SNTG2: variants seen among roughly 807,000 people sequenced by gnomAD.
SNTG2 encodes the protein gamma-2-syntrophin.
Under a neutral mutation model 70.9 loss-of-function variants are expected in SNTG2, and 74 were observed. That is an observed-to-expected ratio of 1.04 (90% CI 0.86 to 1.27). The LOEUF is 1.27. Among genes scored for constraint, SNTG2 ranks in the 50% most tolerant of loss-of-function variants. The probability of loss-of-function intolerance (pLI) is 0.00; values close to 1 mark genes in which losing one functional copy is unlikely to be tolerated. For missense variants in SNTG2, 717 were observed against 690.7 expected, an observed-to-expected ratio of 1.04 and a Z score of -0.43; for synonymous variants, 278 against 273.8, an observed-to-expected ratio of 1.02 and a Z score of -0.15.
At chr2:987,491 G>T (rs1481416827) in intron 1 of SNTG2, among the ~76,000 whole-genome samples, 2 of 152,018 alleles carry the variant, frequency 1.3e-5, no homozygotes, top group Non-Finnish European at 2.9e-5. Context: ...AGCGTCAGAG[G>T]AGAGGTGAGG....
At chr2:1,095,090 GAAAAA>G (rs900358465) in intron 2 of SNTG2, among the ~76,000 whole-genome samples, 3 of 151,494 alleles carry the variant, frequency 2.0e-5, no homozygotes, top group African/African-American at 7.3e-5. Context: ...AGAAAAAAGA[GAAAAA>G]AAAAGAGAGA....
At chr2:1,161,849 C>T (rs373380616) in intron 6 of SNTG2, among the ~76,000 whole-genome samples, 211 of 152,046 alleles carry the variant, frequency 1.4e-3, no homozygotes, top group Non-Finnish European at 1.8e-3. Context: ...CCGAGGCGGG[C>T]GGATCACGAG....
intron 1 of SNTG2, among the ~76,000 whole-genome samples, chr2:982,463 CACCGGAGACTCTGCAGGTTGCTTT>C (rs1661137960): frequency 6.6e-6 from 1 of 152,156 alleles, no homozygotes; most frequent in Non-Finnish European, 1.5e-5. Context: ...GGGGTGAAAA[CACCGGAGACTCTGCAGGTTGCTTT>C]TCTAGGTTTT....
rs1678712947 is a variant in SNTG2 at position 1,266,052 on chromosome 2, C to G, written c.1078-1313C>G. Among the ~76,000 whole-genome samples, 10 of 151,952 alleles carry G rather than the reference C, an allele frequency of 6.6e-5. No homozygotes were observed. In the South Asian group the frequency reaches 2.1e-3, roughly 32 times the overall value. On this transcript the variant is annotated intron_variant, in intron 13 of 16. Coordinates refer to ENST00000308624, the MANE Select transcript of SNTG2 (RefSeq NM_018968.4). ...GAACTGAGGTGGGTCCAGAGAGAGA[C>G]AGACAGAGACAGAGAGAAGGATAGA... is the stretch of plus-strand genomic sequence containing the variant.
At position 987,974 on chromosome 2, in the gene SNTG2, C is replaced by T. The variant is rs532795847; in HGVS notation, c.72+36906C>T. 4.6e-5 allele frequency among the ~76,000 whole-genome samples: 7 copies of T among 152,338 alleles called. No homozygotes were observed. In the South Asian group the frequency reaches 1.4e-3, roughly 32 times the overall value. ...ACGTGGGCCTCTCCAGGCCGCTCGGCTGCCCAGATGCAGCTTCTTCCTGCC... is the reference window on the plus strand; with the variant it reads ...ACGTGGGCCTCTCCAGGCCGCTCGGTTGCCCAGATGCAGCTTCTTCCTGCC... On this transcript the variant is annotated intron_variant, in intron 1 of 16. Transcript: ENST00000308624.
At chr2:1,260,919 C>G (rs1356346430) in intron 13 of SNTG2, among the ~76,000 whole-genome samples, 1 of 152,026 alleles carries the variant, frequency 6.6e-6, no homozygotes, top group Admixed American at 6.6e-5. Flanking sequence ...ACTGGGGTGT[C>G]TTTGAGAGAT....
intron 9 of SNTG2, among the ~76,000 whole-genome samples, chr2:1,214,748 T>G (rs895176045): frequency 5.3e-5 from 8 of 152,208 alleles, no homozygotes; most frequent in African/African-American, 1.7e-4. Context: ...ATAATTGTTC[T>G]TGTTAGCACT....
intron 9 of SNTG2, among the ~76,000 whole-genome samples, chr2:1,217,371 G>A (rs1324138288): frequency 6.6e-6 from 1 of 152,192 alleles, no homozygotes; most frequent in African/African-American, 2.4e-5. Context: ...ATGTGTCATT[G>A]TGAATGAGGA....
chr2:980,838 AT>A (rs1466844572), intron 1 of SNTG2, among the ~76,000 whole-genome samples: 1 of 152,220 alleles, frequency 6.6e-6, no homozygotes, highest in Non-Finnish European at 1.5e-5. Context: ...ATAATAAAGG[AT>A]AGTAGCTTCT....
At chr2:1,132,149 AAAT>A (rs768304152) in intron 4 of SNTG2, among the ~76,000 whole-genome samples, 3 of 151,806 alleles carry the variant, frequency 2.0e-5, no homozygotes, top group Non-Finnish European at 4.4e-5. Flanking sequence ...TTCATTTTAA[AAAT>A]AAAATTAGAG....
Position 1,286,897 on chromosome 2 carries a change from T to C in SNTG2, c.1284+19326T>C, listed in dbSNP as rs1281289644. 1.3e-5 allele frequency among the ~76,000 whole-genome samples: 2 copies of C among 152,236 alleles called. 1 individual carries two copies. Among genetic ancestry groups the C allele is most frequent in the South Asian group, 4.1e-4 (2 of 4,828 alleles). On this transcript the variant is annotated intron_variant, in intron 14 of 16. Transcript: ENST00000308624. ...GAAGAACATTCGTCAACAGGTTACCTGAGTGTCACTGTGGCTGTCATGACT... is the reference window on the plus strand; with the variant it reads ...GAAGAACATTCGTCAACAGGTTACCCGAGTGTCACTGTGGCTGTCATGACT...
At chr2:1,036,180 T>C (rs1458819810) in intron 1 of SNTG2, among the ~76,000 whole-genome samples, 4 of 152,222 alleles carry the variant, frequency 2.6e-5, no homozygotes, top group Non-Finnish European at 4.4e-5. Context: ...ATTCTTTCAT[T>C]GTACTTGTAG....
At chr2:1,175,045 ATCTT>A (rs1671378216) in intron 8 of SNTG2, among the ~76,000 whole-genome samples, 1 of 152,150 alleles carries the variant, frequency 6.6e-6, no homozygotes, top group Non-Finnish European at 1.5e-5. Flanking sequence ...AATCTTTCTT[ATCTT>A]AAGTTCATAA....
chr2:1,019,366 C>A (rs975524451), intron 1 of SNTG2, among the ~76,000 whole-genome samples: 1 of 152,074 alleles, frequency 6.6e-6, no homozygotes, highest in Non-Finnish European at 1.5e-5. Flanking sequence ...ATTCACGTGG[C>A]AATGTCATGC....
intron 8 of SNTG2, among the ~76,000 whole-genome samples, chr2:1,193,068 C>T (rs191845106): frequency 3.0e-4 from 45 of 152,286 alleles, no homozygotes; most frequent in Non-Finnish European, 1.9e-4. Flanking sequence ...AGGATGCCCG[C>T]GGCATGGCAG....
chr2:1,120,069 G>A (rs111554963), intron 4 of SNTG2, among the ~76,000 whole-genome samples: 7 of 151,880 alleles, frequency 4.6e-5, no homozygotes, highest in African/African-American at 1.7e-4. Context: ...GGCATTGATC[G>A]TTCCTTATCT....
intron 1 of SNTG2, among the ~76,000 whole-genome samples, chr2:991,595 A>G (rs1292328713): frequency 6.6e-6 from 1 of 152,150 alleles, no homozygotes; most frequent in East Asian, 1.9e-4. Context: ...TTTTTGCTCC[A>G]GGTAGCACCC....
intron 8 of SNTG2, among the ~76,000 whole-genome samples, chr2:1,182,360 C>CAAAAAAAAAAAAAAAA: frequency 8.2e-6 from 1 of 122,056 alleles, no homozygotes; most frequent in Non-Finnish European, 1.6e-5. Flanking sequence ...TTAAAAATTT[C>CAAAAAAAAAAAAAAAA]AAAAAAAAAA....
At chr2:1,043,561 C>G (rs1661563994) in intron 1 of SNTG2, among the ~76,000 whole-genome samples, 2 of 152,022 alleles carry the variant, frequency 1.3e-5, no homozygotes, top group South Asian at 2.1e-4. Context: ...ACATTTAAGT[C>G]TTTAATCCAT....
Sources: gnomAD v4.1 joint callset for allele counts (sites outside exome capture counted in the v4.1 genomes callset) on GRCh38, gnomAD v4.1.1 for gene constraint, MANE v1.5 for transcripts, NCBI Gene and HGNC (gene_info 2026-07-23, HGNC 2026-07-21) for gene names.